DCTN1: variants seen among roughly 807,000 people sequenced by gnomAD.
DCTN1 encodes the protein dynactin subunit 1, also known as 150 kDa dynein-associated polypeptide.
In DCTN1, 61 loss-of-function variants were observed where a neutral mutation model predicts 161.2. That is an observed-to-expected ratio of 0.38 (90% CI 0.31 to 0.47). The LOEUF is 0.47. Among genes scored for constraint, DCTN1 ranks in the 20% least tolerant of loss-of-function variants. DCTN1 has a pLI of 0.99. For missense variants in DCTN1, 1,404 were observed against 1,623.7 expected (o/e 0.86, Z 2.33); for synonymous variants, 653 against 632.4 (o/e 1.03, Z -0.49).
intron 6 of DCTN1, chr2:74,374,056 G>C: frequency 1.9e-6 from 1 of 518,998 alleles, no homozygotes; most frequent in Non-Finnish European, 3.7e-6. Context: ...GTATGCGGTA[G>C]AGGCTGCCTG....
rs1372066843 is a variant in DCTN1 at position 74,380,078 on chromosome 2, A to C, written c.-41T>G. ...TCTACCCCCTCCCCCAGCTGGCCAA[A>C]GACAGAGAGAAAAGGTAGAAACCTA... is the stretch of plus-strand genomic sequence containing the variant. On this transcript the variant is annotated 5_prime_UTR_variant, in exon 1 of 32. Transcript: ENST00000628224. 6.2e-7 allele frequency: 1 copy of C among 1,612,572 alleles called. No individual in the cohort carries two copies. Among genetic ancestry groups the C allele is most frequent in the East Asian group, 2.2e-5 (1 of 44,862 alleles).
At chr2:74,391,209 T>A (rs919824661) in intron 1 of DCTN1, 4 of 155,648 alleles carry the variant, frequency 2.6e-5, no homozygotes, top group Admixed American at 1.9e-4. Flanking sequence ...GTGGTCAACA[T>A]GGGTTTGCTG....
At chr2:74,375,713 T>C (rs554556809) in intron 5 of DCTN1, among the ~76,000 whole-genome samples, 1 of 152,228 alleles carries the variant, frequency 6.6e-6, no homozygotes, top group East Asian at 1.9e-4. Context: ...GACTCTGAAA[T>C]GGGCCCAGGA....
chr2:74,390,276 G>A (rs1444177343), intron 1 of DCTN1, among the ~76,000 whole-genome samples: 131 of 152,320 alleles, frequency 8.6e-4, no homozygotes, highest in Non-Finnish European at 2.5e-4. Context: ...AACATTTTAG[G>A]AAGACGGGTA....
chr2:74,363,014 T>A lies in DCTN1; in HGVS notation c.3509A>T (p.Asp1170Val), dbSNP rs758664042. 1.2e-6 allele frequency: 2 copies of A among 1,613,524 alleles called. No homozygotes were observed. The highest frequency in any genetic ancestry group is 1.1e-5 in the South Asian group (1 of 90,990). ...CATACCAGGGCTGGTGCGAGTGATG[T>A]CTACTACGTGCGTGTGTGTGCTCAA... ...NQLSTHTHVV[D>V]ITRTSPAAKS... The change falls in exon 29 of 32, where the codon GAC becomes GTC. Residue 1170 changes from aspartate to valine, a missense_variant. Asp to Val is a radical substitution (Grantham distance 152). This residue lies in a region of DCTN1 where 311 missense variants were observed against 298.9 expected (regional missense o/e 1.04). Coordinates refer to ENST00000628224, the MANE Select transcript of DCTN1 (RefSeq NM_004082.5).
chr2:74,383,045 G>A (rs931719345), upstream of DCTN1, among the ~76,000 whole-genome samples: 12 of 150,632 alleles, frequency 8.0e-5, no homozygotes, highest in East Asian at 5.8e-4. Flanking sequence ...ACTGCAGTCC[G>A]CAGTCCCGCC....
At position 74,362,979 on chromosome 2, in the gene DCTN1, T is replaced by C. The variant is rs1177129191; in HGVS notation, c.3529+15A>G. 3 of 1,609,238 alleles carry C rather than the reference T, an allele frequency of 1.9e-6. No homozygotes were observed. The highest frequency in any genetic ancestry group is 1.3e-5 in the African/African-American group (1 of 74,840). ...GGGGCAGTTTTATTCATCTTGGGGG[T>C]TGGCAGGTACATACCAGGGCTGGTG... On this transcript the variant is annotated intron_variant, in intron 29 of 31. Transcript: ENST00000628224.
rs1487959677 is a variant in DCTN1, at chr2:74,380,204, A to G, written c.-167T>C. 1 of 734,808 alleles carries G rather than the reference A, an allele frequency of 1.4e-6. No homozygotes were observed. Among genetic ancestry groups the G allele is most frequent in the Admixed American group, 2.0e-5 (1 of 49,600 alleles). The allele number at this position is 734,808 out of a possible 1,614,324, so 45.5% of individuals were successfully genotyped here. ...GCCTCACTCGGTGGCCTACACGGGT[A>G]GGGGTGGGGGCAGTGATGGGGGCTG... On this transcript the variant is annotated 5_prime_UTR_variant, in exon 1 of 32. Coordinates refer to ENST00000628224, the MANE Select transcript of DCTN1 (RefSeq NM_004082.5).
Position 74,377,726 on chromosome 2 carries a change from T to C in DCTN1, c.280A>G (p.Ile94Val), listed in dbSNP as rs1362934545. 2 of 1,613,052 alleles carry C rather than the reference T, an allele frequency of 1.2e-6. No homozygotes were observed. The highest frequency in any genetic ancestry group is 1.7e-6 in the Non-Finnish European group (2 of 1,179,226). The change falls in exon 3 of 32, where the codon ATC (isoleucine) becomes GTC (valine). Residue 94 changes from isoleucine (I) to valine (V), a missense_variant and splice_region_variant. By Grantham distance (29) the Ile-to-Val change is conservative (BLOSUM62 3). This residue lies in a region of DCTN1 where 174 missense variants were observed against 175.6 expected (regional missense o/e 0.99). Coordinates refer to ENST00000628224, the MANE Select transcript of DCTN1 (RefSeq NM_004082.5). ...TCTGCTCCATCTTCAAATACCTGGA[T>C]CTGAGGCCAGATTCAATATAGCCAG... ...GHGIFVRQSQIQVFEDGADTT... is the reference protein window; with the variant it reads ...GHGIFVRQSQVQVFEDGADTT...
In DCTN1 at chr2:74,378,162, G is replaced by A. The variant is rs1294699315; in HGVS notation, c.117C>T (p.Gly39=). ...VGSRVEVIGK[G]HRGTVAYVGA... is the part of the protein sequence containing the mutation. Reference sequence around the variant, plus strand: ...CAACATAGGCCACAGTGCCTCGGTGGCCTTTTCCAATCACCTCTACACGGG... The same window carrying A: ...CAACATAGGCCACAGTGCCTCGGTGACCTTTTCCAATCACCTCTACACGGG... Residue 39 remains glycine (G), a synonymous_variant, in exon 2 of 32, where the codon GGC becomes GGT. Coordinates refer to ENST00000628224, the MANE Select transcript of DCTN1 (RefSeq NM_004082.5). 1.2e-6 allele frequency: 2 copies of A among 1,614,132 alleles called. No homozygotes were observed. The highest frequency in any genetic ancestry group is 2.2e-5 in the South Asian group (2 of 91,088).
At position 74,380,098 on chromosome 2, in the gene DCTN1, A is replaced by C. The variant is rs1675444334; in HGVS notation, c.-61T>G. 5.6e-6 allele frequency: 9 copies of C among 1,599,086 alleles called. No homozygotes were observed. The highest frequency in any genetic ancestry group is 7.7e-6 in the Non-Finnish European group (9 of 1,167,742). On this transcript the variant is annotated 5_prime_UTR_variant, in exon 1 of 32. Coordinates refer to ENST00000628224, the MANE Select transcript of DCTN1 (RefSeq NM_004082.5). ...GCCAAAGACAGAGAGAAAAGGTAGA[A>C]ACCTAGGCAGGAGGGTCAGGGCGCT...
intron 15 of DCTN1, 107 bp from the exon 16 acceptor site, chr2:74,368,987 G>C (rs1170216717): frequency 3.8e-6 from 6 of 1,566,756 alleles, no homozygotes; most frequent in African/African-American, 2.7e-5. Context: ...GCCCAGGCCA[G>C]AGTCTTCCAA....
At chr2:74,384,352 G>A (rs1342982239), upstream of DCTN1, among the ~76,000 whole-genome samples, 2 of 152,138 alleles carry the variant, frequency 1.3e-5, no homozygotes, top group Middle Eastern at 3.2e-3. Flanking sequence ...CTACAGGTAG[G>A]TGCTCCTTCC....
At chr2:74,384,157 G>A (rs1675629653), upstream of DCTN1, among the ~76,000 whole-genome samples, 2 of 152,156 alleles carry the variant, frequency 1.3e-5, no homozygotes, top group South Asian at 4.1e-4. Flanking sequence ...GCCTTCTCTG[G>A]GGAAAACTTA....
At position 74,374,329 on chromosome 2, in the gene DCTN1, G is replaced by A. The variant is rs766656845; in HGVS notation, c.426C>T (p.Ala142=). ...CGAGAGCAAGCAAGAGTACCTTTCG[G>A]GCTGTCGGTGCCTGTCTCATCATTG... The part of the protein sequence containing the change: ...RGLKPKKAPT[A]RKTTTRRPKP... The change falls in exon 6 of 32, where the codon GCC becomes GCT. Residue 142 remains alanine, a synonymous_variant. Coordinates refer to ENST00000628224, the MANE Select transcript of DCTN1 (RefSeq NM_004082.5). 9.3e-6 allele frequency: 15 copies of A among 1,613,570 alleles called. No homozygotes were observed. The highest frequency in any genetic ancestry group is 5.0e-5 in the Admixed American group (3 of 59,982).
upstream of DCTN1, among the ~76,000 whole-genome samples, chr2:74,381,622 T>C (rs114851291): frequency 0.011 from 1,664 of 152,240 alleles, 31 homozygotes; most frequent in African/African-American, 0.038. Context: ...TTACAGTCTA[T>C]AGGACACCTT....
rs375016821 is a variant in DCTN1 at position 74,369,961 on chromosome 2, T to C, written c.1392+4A>G. On this transcript the variant is annotated splice_donor_region_variant and intron_variant, in intron 13 of 31. Coordinates refer to ENST00000628224, the MANE Select transcript of DCTN1 (RefSeq NM_004082.5). The surrounding 1 kb of genome is among the most constrained non-coding windows in gnomAD (Gnocchi z 4.9). ...CAGATGTCAGGGGTCTGCTCTTCTC[T>C]TACCAAGTCTCCCACAGTCTCCCTC... The C allele has an allele frequency of 1.2e-6, 2 of 1,613,926 alleles. No homozygotes were observed. Among genetic ancestry groups the C allele is most frequent in the Non-Finnish European group, 1.7e-6 (2 of 1,179,948 alleles).
chr2:74,372,054 G>C (rs1234726755), intron 7 of DCTN1: 2 of 365,304 alleles, frequency 5.5e-6, no homozygotes, highest in Non-Finnish European at 1.0e-5. Flanking sequence ...CTACCCTTAA[G>C]AGCAGAATCC....
At chr2:74,368,540 C>T (rs1222347833) in intron 16 of DCTN1, 188 bp downstream of exon 16, 65 of 795,600 alleles carry the variant, frequency 8.2e-5, no homozygotes, top group Admixed American at 8.1e-4. Flanking sequence ...TGCTCTCTCA[C>T]AGAACCTATC....
Sources: gnomAD v4.1 joint callset for allele counts (sites outside exome capture counted in the v4.1 genomes callset) on GRCh38, gnomAD v4.1.1 for gene constraint, gnomAD v4.1.1 regional missense constraint, Gnocchi (gnomAD v3.1) non-coding constraint, MANE v1.5 for transcripts, NCBI Gene and HGNC (gene_info 2026-07-23, HGNC 2026-07-21) for gene names.